SUPT5H: variants seen among roughly 807,000 people sequenced by gnomAD.
SUPT5H encodes transcription elongation factor SPT5.
In SUPT5H, 24 loss-of-function variants were observed where a neutral mutation model predicts 142.5. The observed-to-expected ratio is 0.17, with a 90% confidence interval of 0.12 to 0.24. SUPT5H has a LOEUF of 0.24. SUPT5H is among the 10% of genes least tolerant of loss of function. SUPT5H has a pLI of 1.00. For synonymous variants in SUPT5H, 546 were observed against 553.0 expected (o/e 0.99, Z 0.18); for missense variants, 893 against 1,471.8 (o/e 0.61, Z 6.43).
intron 28 of SUPT5H, chr19:39,475,846 C>T: frequency 1.8e-6 from 1 of 554,356 alleles, no homozygotes; most frequent in Non-Finnish European, 3.2e-6. Context: ...AAGAAGCAGT[C>T]TCCTTTTTGC....
intron 10 of SUPT5H, among the ~76,000 whole-genome samples, chr19:39,464,290 T>G (rs1394136058): frequency 6.6e-6 from 1 of 152,210 alleles, no homozygotes; most frequent in African/African-American, 2.4e-5. Context: ...CGGCTCTAGT[T>G]GCTTTTTTAC....
chr19:39,472,928 A>C lies in SUPT5H; in HGVS notation c.2154A>C (p.Lys718Asn). ...TGCGCATCTCCCAGGGGCCCTACAA[A>C]GGTGACCTGCGAGGCCTGTGGAGGC... is the stretch of plus-strand genomic sequence containing the variant. The part of the protein sequence containing the change: ...QTVRISQGPY[K>N]GYIGVVKDAT... The change falls in exon 22 of 30, where the codon AAA becomes AAC. Residue 718 changes from lysine to asparagine, a missense_variant and splice_region_variant. Around this residue, in one of 6 missense-constraint regions of SUPT5H, gnomAD observed 336 missense variants for 546.5 expected, o/e 0.61. Transcript: ENST00000432763. This position sits in a 1 kb window ranked among gnomAD's most constrained non-coding sequence, Gnocchi z 4.2. The C allele has an allele frequency of 6.2e-7, 1 of 1,613,050 alleles. No homozygotes were observed. Among genetic ancestry groups the C allele is most frequent in the Non-Finnish European group, 8.5e-7 (1 of 1,179,328 alleles).
At position 39,476,140 on chromosome 19, in the gene SUPT5H, G is replaced by A. The variant is rs1224177757; in HGVS notation, c.3084G>A (p.Glu1028=). The change falls in exon 29 of 30, where the codon GAG becomes GAA. Residue 1028 remains glutamate, a synonymous_variant. Coordinates refer to ENST00000432763, the MANE Select transcript of SUPT5H (RefSeq NM_001111020.3). ...AGAAGGTTGTCAGCATTTCCAGTGA[G>A]CACCTGGAGCCTATCACCCCCACCA... ...DSEKVVSISS[E]HLEPITPTKN... 2 of 1,614,130 alleles carry A rather than the reference G, an allele frequency of 1.2e-6. No individual in the cohort carries two copies.
intron 2 of SUPT5H, among the ~76,000 whole-genome samples, chr19:39,452,052 C>G (rs907428745): frequency 6.6e-6 from 1 of 152,000 alleles, no homozygotes. Flanking sequence ...CTGGCCTAGG[C>G]TCAGATATAT....
rs1420957329 is a variant in SUPT5H at position 39,474,955 on chromosome 19, T to C, written c.3024+237T>C. 1.2e-5 allele frequency: 7 copies of C among 580,662 alleles called. No homozygotes were observed. Among genetic ancestry groups the C allele is most frequent in the Non-Finnish European group, 2.2e-5 (7 of 325,362 alleles). 36.0% of individuals were successfully genotyped at this position (580,662 alleles called of 1,614,324 possible). The stretch of plus-strand genomic sequence containing the variant: ...TCTGAGCCAAGACCTGACAAATGAA[T>C]AGGAGTAAGCTAAGGAAAGTGACTG... On this transcript the variant is annotated intron_variant, in intron 28 of 29. Coordinates refer to ENST00000432763, the MANE Select transcript of SUPT5H (RefSeq NM_001111020.3). This position sits in a 1 kb window ranked among gnomAD's most constrained non-coding sequence, Gnocchi z 6.5.
rs1434785826 is a variant in SUPT5H, at chr19:39,473,792, C to CT, written c.2493-170dup. Among the ~76,000 whole-genome samples, 1 of 152,178 alleles carries CT rather than the reference C, an allele frequency of 6.6e-6. No individual in the cohort carries two copies. Among genetic ancestry groups the CT allele is most frequent in the Non-Finnish European group, 1.5e-5 (1 of 68,030 alleles). Reference sequence around the variant, plus strand: ...TGACCTTGGGAGGGCACCCTCATCTCTGTCAACCACAGTGTCAGCTGTGGA... The same window carrying CT: ...TGACCTTGGGAGGGCACCCTCATCTCTTGTCAACCACAGTGTCAGCTGTGGA... On this transcript the variant is annotated intron_variant, in intron 25 of 29. Transcript: ENST00000432763. The surrounding 1 kb of genome is among the most constrained non-coding windows in gnomAD (Gnocchi z 5.8).
chr19:39,469,215 G>A lies in SUPT5H; in HGVS notation c.1237+43G>A, dbSNP rs190408211. ...ATAACCTGGGCCAAGGAGCAGGGGC[G>A]GCCCATGGTGGCAACCCCCGAGTCA... On this transcript the variant is annotated intron_variant, in intron 15 of 29. Transcript: ENST00000432763. The surrounding 1 kb of genome is among the most constrained non-coding windows in gnomAD (Gnocchi z 5.1). 8.5e-4 allele frequency: 1,374 copies of A among 1,614,166 alleles called. 1 individual carries two copies. Among genetic ancestry groups the A allele is most frequent in the Non-Finnish European group, 1.1e-3 (1,286 of 1,180,008 alleles).
At position 39,466,173 on chromosome 19, in the gene SUPT5H, G is replaced by A. The variant is rs1447301254; in HGVS notation, c.877-307G>A. Among the ~76,000 whole-genome samples the A allele has an allele frequency of 6.6e-6, 1 of 152,180 alleles. No individual in the cohort carries two copies. The highest frequency in any genetic ancestry group is 6.5e-5 in the Admixed American group (1 of 15,274). Reference sequence around the variant, plus strand: ...GTCAAGAGTGGCTCCCAGGTTGTGTGCCTGAGCAGAGGGAAGAATGGAGTG... The same window carrying A: ...GTCAAGAGTGGCTCCCAGGTTGTGTACCTGAGCAGAGGGAAGAATGGAGTG... On this transcript the variant is annotated intron_variant, in intron 11 of 29. Transcript: ENST00000432763. The surrounding 1 kb of genome is among the most constrained non-coding windows in gnomAD (Gnocchi z 4.3).
intron 2 of SUPT5H, among the ~76,000 whole-genome samples, chr19:39,449,525 G>T (rs1264375407): frequency 6.6e-6 from 1 of 152,168 alleles, no homozygotes; most frequent in Non-Finnish European, 1.5e-5. Flanking sequence ...CTATTGGGAG[G>T]CTCACAGTGG....
chr19:39,465,093 T>C (rs779082510), intron 11 of SUPT5H, 44 bp downstream of exon 11: 1 of 1,577,048 alleles, frequency 6.3e-7, no homozygotes, highest in Non-Finnish European at 8.6e-7. Context: ...CCCTCCATTC[T>C]GTTCTCCCTT....
chr19:39,468,477 C>T, intron 13 of SUPT5H: 1 of 495,026 alleles, frequency 2.0e-6, no homozygotes, highest in Non-Finnish European at 3.7e-6. Context: ...CCTTCTGGAG[C>T]TGACATGCTA....
chr19:39,472,660 G>A lies in SUPT5H; in HGVS notation c.2036-150G>A, dbSNP rs2079337823. On this transcript the variant is annotated intron_variant, in intron 21 of 29. Transcript: ENST00000432763. This position sits in a 1 kb window ranked among gnomAD's most constrained non-coding sequence, Gnocchi z 4.2. Reference sequence around the variant, plus strand: ...ACAGTGACAGCCCAGAATGGTCAGGGCTTCCATAGGAAAGCCATGGGGCAG... The same window carrying A: ...ACAGTGACAGCCCAGAATGGTCAGGACTTCCATAGGAAAGCCATGGGGCAG... The A allele has an allele frequency of 7.1e-7, 1 of 1,413,434 alleles. No individual in the cohort carries two copies. The highest frequency in any genetic ancestry group is 9.5e-7 in the Non-Finnish European group (1 of 1,057,358). 87.6% of individuals were successfully genotyped at this position (1,413,434 alleles called of 1,614,324 possible). A position where few individuals can be genotyped will look rare whatever the true frequency, so the allele number is the denominator to read the frequency against.
At chr19:39,460,676 G>A (rs7246329) in intron 10 of SUPT5H, among the ~76,000 whole-genome samples, 66,207 of 151,632 alleles carry the variant, frequency 0.44, 15,283 homozygotes, top group African/African-American at 0.59. Flanking sequence ...CAGAAGTTGC[G>A]GTGAGCCGAG....
At position 39,473,067 on chromosome 19, in the gene SUPT5H, C is replaced by T; in HGVS notation, c.2211C>T (p.His737=). Residue 737 remains histidine, a synonymous_variant, in exon 23 of 30, where the codon CAC becomes CAT. Coordinates refer to ENST00000432763, the MANE Select transcript of SUPT5H (RefSeq NM_001111020.3). This position sits in a 1 kb window ranked among gnomAD's most constrained non-coding sequence, Gnocchi z 5.8. ...ATESTARVEL[H]STCQTISVDR... is the part of the protein sequence containing the mutation. ...AGTCCACGGCCCGTGTGGAGCTGCA[C>T]TCCACCTGCCAGACCATCTCTGTGG... is the stretch of plus-strand genomic sequence containing the variant. 6.2e-7 allele frequency: 1 copy of T among 1,613,826 alleles called. No homozygotes were observed. The highest frequency in any genetic ancestry group is 1.7e-4 in the Middle Eastern group (1 of 6,058).
chr19:39,450,807 A>T (rs920740628), intron 2 of SUPT5H, among the ~76,000 whole-genome samples: 14 of 152,076 alleles, frequency 9.2e-5, no homozygotes, highest in Non-Finnish European at 1.6e-4. Context: ...GGTCATGAGA[A>T]AGTTTCATCT....
chr19:39,471,183 C>T (rs186942702), intron 18 of SUPT5H, among the ~76,000 whole-genome samples, 174 bp from the exon 19 acceptor site: 1 of 152,078 alleles, frequency 6.6e-6, no homozygotes, highest in African/African-American at 2.4e-5. Flanking sequence ...TTGGTTGACC[C>T]AGTACCTAAA....
chr19:39,457,491 C>T (rs147917148), intron 3 of SUPT5H, among the ~76,000 whole-genome samples, 184 bp from the exon 4 acceptor site: 4 of 152,246 alleles, frequency 2.6e-5, no homozygotes, highest in Non-Finnish European at 5.9e-5. Flanking sequence ...ATGTCCCCCT[C>T]GATCCTGATG....
Position 39,445,831 on chromosome 19 carries a change from G to A in SUPT5H, c.-60G>A. ...AACCAGCGGGGAAACTGAGGCTCGG[G>A]GTGGAGCGCAGGATTGTGGGACGCG... On this transcript the variant is annotated 5_prime_UTR_variant, in exon 2 of 30. Transcript: ENST00000432763. The A allele has an allele frequency of 6.3e-7, 1 of 1,585,924 alleles. No individual in the cohort carries two copies. Among genetic ancestry groups the A allele is most frequent in the South Asian group, 1.1e-5 (1 of 88,844 alleles).
chr19:39,470,309 T>A lies in SUPT5H; in HGVS notation c.1530+35T>A, dbSNP rs367791455. The A allele has an allele frequency of 2.4e-5, 37 of 1,545,794 alleles. No individual in the cohort carries two copies. Among genetic ancestry groups the A allele is most frequent in the Non-Finnish European group, 3.2e-5 (36 of 1,140,036 alleles). The stretch of plus-strand genomic sequence containing the variant: ...TAGAAGGGTCGGGGAAGGGTGCACG[T>A]GCCAAGAGGAGACCCAGGTAGGCGA... On this transcript the variant is annotated intron_variant, in intron 17 of 29. Coordinates refer to ENST00000432763, the MANE Select transcript of SUPT5H (RefSeq NM_001111020.3). The surrounding 1 kb of genome is among the most constrained non-coding windows in gnomAD (Gnocchi z 5.8).
Sources: gnomAD v4.1 joint callset for allele counts (sites outside exome capture counted in the v4.1 genomes callset) on GRCh38, gnomAD v4.1.1 for gene constraint, gnomAD v4.1.1 regional missense constraint, Gnocchi (gnomAD v3.1) non-coding constraint, MANE v1.5 for transcripts, NCBI Gene and HGNC (gene_info 2026-07-23, HGNC 2026-07-21) for gene names.